The following SMCO1 variants were observed in gnomAD, a reference collection of about 807,000 sequenced individuals.
SMCO1 encodes single-pass membrane and coiled-coil domain-containing protein 1.
A neutral mutation model predicts 7.5 loss-of-function variants in SMCO1; 9 were observed. The observed-to-expected ratio is 1.20, with a 90% CI of 0.72 to 2.09. The LOEUF (loss-of-function observed/expected upper bound fraction) is 2.09, where lower values mean the gene tolerates loss of function less well. SMCO1 is among the 30% of genes most tolerant of loss of function. SMCO1 has a pLI of 0.00. For missense variants in SMCO1, 219 were observed against 253.1 expected (o/e 0.87, Z 0.91); for synonymous variants, 90 against 93.8 (o/e 0.96, Z 0.23).
chr3:196,520,151 C>A (rs1308694260), upstream of SMCO1, among the ~76,000 whole-genome samples: 1 of 152,152 alleles, frequency 6.6e-6, no homozygotes, highest in Admixed American at 6.5e-5. Context: ...AAGGGCATGG[C>A]CTTCTTACCA....
At chr3:196,512,476 A>G (rs1186273248) in intron 1 of SMCO1, among the ~76,000 whole-genome samples, 1 of 146,572 alleles carries the variant, frequency 6.8e-6, no homozygotes, top group Admixed American at 6.8e-5. Flanking sequence ...CAGGTACTAC[A>G]TCTCTCCTAA....
At chr3:196,516,546 C>T (rs541549574), upstream of SMCO1, among the ~76,000 whole-genome samples, 43 of 152,268 alleles carry the variant, frequency 2.8e-4, no homozygotes, top group Non-Finnish European at 5.1e-4. Context: ...AGCCATGTCA[C>T]GTATTTGTTC....
Position 196,507,871 on chromosome 3 carries a change from G to T in SMCO1, c.*16C>A, listed in dbSNP as rs1733089108. Reference sequence around the variant, plus strand: ...AAATTACTGTAGGTGGAATCACTGGGTCATAGGGTAACAGGTTAGTTTTTG... The same window carrying T: ...AAATTACTGTAGGTGGAATCACTGGTTCATAGGGTAACAGGTTAGTTTTTG... On this transcript the variant is annotated 3_prime_UTR_variant, in exon 3 of 3. Transcript: ENST00000397537. 4.6e-6 allele frequency: 7 copies of T among 1,524,654 alleles called. No homozygotes were observed. The highest frequency in any genetic ancestry group is 1.4e-5 in the African/African-American group (1 of 72,832). The allele number at this position is 1,524,654 out of a possible 1,614,324, so 94.4% of individuals were successfully genotyped here. A position where few individuals can be genotyped will look rare whatever the true frequency, so the allele number is the denominator to read the frequency against.
the SMCO1 span, among the ~76,000 whole-genome samples, chr3:196,520,372 C>T: frequency 2.0e-5 from 3 of 152,090 alleles, no homozygotes; most frequent in Non-Finnish European, 2.9e-5. Context: ...GGTAATAATT[C>T]CCCAGAGCTA....
chr3:196,515,284 T>G lies in SMCO1; in HGVS notation c.-75A>C. On this transcript the variant is annotated 5_prime_UTR_variant, in exon 1 of 3. Coordinates refer to ENST00000397537, the MANE Select transcript of SMCO1 (RefSeq NM_001077657.3). The stretch of plus-strand genomic sequence containing the variant: ...GCAATAAATGTTTGAATCCAGAATT[T>G]TCTGCGGTCTTCCTCTCAGCAACAG... 2 of 1,139,846 alleles carry G rather than the reference T, an allele frequency of 1.8e-6. No individual in the cohort carries two copies. The highest frequency in any genetic ancestry group is 2.7e-6 in the Non-Finnish European group (2 of 754,704). The allele number at this position is 1,139,846 out of a possible 1,614,324, so 70.6% of individuals were successfully genotyped here.
the SMCO1 span, among the ~76,000 whole-genome samples, chr3:196,520,638 C>T: frequency 1.8e-3 from 273 of 152,236 alleles, 1 homozygote; most frequent in African/African-American, 6.4e-3. Context: ...CTGACGACCC[C>T]GATAGATATA....
intron 1 of SMCO1, among the ~76,000 whole-genome samples, chr3:196,513,007 G>C (rs987556394): frequency 4.6e-5 from 7 of 152,080 alleles, no homozygotes; most frequent in Admixed American, 3.3e-4. Flanking sequence ...GACCTGATAT[G>C]CCTGTAATTT....
intron 1 of SMCO1, among the ~76,000 whole-genome samples, chr3:196,511,225 T>C (rs1733218216): frequency 7.2e-6 from 1 of 138,970 alleles, no homozygotes; most frequent in African/African-American, 3.3e-5. Context: ...GAAACTTGCC[T>C]GAGCCACCTA....
upstream of SMCO1, among the ~76,000 whole-genome samples, chr3:196,518,999 C>G (rs904597470): frequency 6.6e-6 from 1 of 152,226 alleles, no homozygotes; most frequent in Non-Finnish European, 1.5e-5. Context: ...CTGGCCAGTG[C>G]ACACCCTTGT....
upstream of SMCO1, among the ~76,000 whole-genome samples, chr3:196,519,495 A>G (rs1461056669): frequency 3.9e-5 from 6 of 152,242 alleles, no homozygotes; most frequent in African/African-American, 1.4e-4. Flanking sequence ...GCCAAATTTT[A>G]GTCCTGATAC....
Position 196,507,789 on chromosome 3 carries a change from T to C in SMCO1, c.*98A>G. On this transcript the variant is annotated 3_prime_UTR_variant, in exon 3 of 3. Coordinates refer to ENST00000397537, the MANE Select transcript of SMCO1 (RefSeq NM_001077657.3). ...TAATTTATTTAACATCCTCTCACTC[T>C]TTGCTATAAAAATAAGACTATAATA... 1 of 691,412 alleles carries C rather than the reference T, an allele frequency of 1.4e-6. No homozygotes were observed. Among genetic ancestry groups the C allele is most frequent in the South Asian group, 1.9e-5 (1 of 51,504 alleles). The allele number at this position is 691,412 out of a possible 1,614,324, so 42.8% of individuals were successfully genotyped here.
At chr3:196,515,923 C>T (rs146890281), upstream of SMCO1, among the ~76,000 whole-genome samples, 7 of 141,572 alleles carry the variant, frequency 4.9e-5, no homozygotes, top group African/African-American at 1.9e-4. Context: ...TGCTTGAGCC[C>T]AGGAGTTCGA....
At chr3:196,508,662 G>T (rs1733123556) in intron 2 of SMCO1, among the ~76,000 whole-genome samples, 1 of 1,476 alleles carries the variant, frequency 6.8e-4, no homozygotes, top group Admixed American at 5.8e-3. Flanking sequence ...GATAGGCTGG[G>T]CGTGGTGCTC....
chr3:196,513,609 C>T (rs911263937), intron 1 of SMCO1, among the ~76,000 whole-genome samples: 18 of 112,616 alleles, frequency 1.6e-4, no homozygotes, highest in Non-Finnish European at 1.3e-4. Flanking sequence ...AGCCTGGTGA[C>T]AGAGTGAGAC....
rs150697743 is a variant in SMCO1, at chr3:196,509,894, C to CT, written c.51-226dup. ...ATTCCCTCTAGCCATCATCCTTGTCCTTTCATTCCATATATTGCAAACTTT... is the reference window on the plus strand; with the variant it reads ...ATTCCCTCTAGCCATCATCCTTGTCCTTTTCATTCCATATATTGCAAACTTT... On this transcript the variant is annotated intron_variant, in intron 1 of 2. Coordinates refer to ENST00000397537, the MANE Select transcript of SMCO1 (RefSeq NM_001077657.3). Among the ~76,000 whole-genome samples, 1,040 of 152,130 alleles carry CT rather than the reference C, an allele frequency of 6.8e-3. 14 individuals carry two copies. Among genetic ancestry groups the CT allele is most frequent in the African/African-American group, 0.024 (1,000 of 41,500 alleles).
At chr3:196,518,354 C>T (rs554712407), upstream of SMCO1, among the ~76,000 whole-genome samples, 1 of 152,380 alleles carries the variant, frequency 6.6e-6, no homozygotes, top group Non-Finnish European at 1.5e-5. Context: ...TCTCTTCCTT[C>T]TTGCCTACTA....
upstream of SMCO1, among the ~76,000 whole-genome samples, chr3:196,518,175 G>A (rs539255986): frequency 6.6e-6 from 1 of 152,276 alleles, no homozygotes; most frequent in Non-Finnish European, 1.5e-5. Flanking sequence ...TAGGGTGGGA[G>A]GGCCAGTTTT....
At chr3:196,513,764 T>C (rs548508849) in intron 1 of SMCO1, among the ~76,000 whole-genome samples, 1 of 152,188 alleles carries the variant, frequency 6.6e-6, no homozygotes, top group Admixed American at 6.5e-5. Context: ...AGTATAAAAA[T>C]TTACAGTTGC....
rs1200516436 is a variant in SMCO1, at chr3:196,507,710, T to G, written c.*177A>C. On this transcript the variant is annotated 3_prime_UTR_variant, in exon 3 of 3. Coordinates refer to ENST00000397537, the MANE Select transcript of SMCO1 (RefSeq NM_001077657.3). ...CACTTCATATCATTACACAAAGAGCTTCTTCATTCTTTTATATGGCTGCAA... is the reference window on the plus strand; with the variant it reads ...CACTTCATATCATTACACAAAGAGCGTCTTCATTCTTTTATATGGCTGCAA... The G allele has an allele frequency of 7.1e-6, 4 of 562,654 alleles. No individual in the cohort carries two copies. The highest frequency in any genetic ancestry group is 1.9e-5 in the African/African-American group (1 of 53,232). 34.9% of individuals were successfully genotyped at this position (562,654 alleles called of 1,614,324 possible).
Sources: allele counts gnomAD v4.1 joint callset (sites outside exome capture counted in the v4.1 genomes callset), GRCh38; gene constraint gnomAD v4.1.1; transcripts MANE v1.5; gene names NCBI Gene and HGNC (gene_info 2026-07-23, HGNC 2026-07-21).